ETV6: variants seen among roughly 807,000 people sequenced by gnomAD.
ETV6 encodes ETS variant transcription factor 6.
In ETV6, 16 loss-of-function variants were observed where a neutral mutation model predicts 51.1. That is an observed-to-expected ratio of 0.31 (90% CI 0.21 to 0.48). ETV6 has a LOEUF of 0.48. Among genes scored for constraint, ETV6 ranks in the 20% least tolerant of loss-of-function variants. The probability of loss-of-function intolerance (pLI) is 0.99; values close to 1 mark genes in which losing one functional copy is unlikely to be tolerated. For synonymous variants in ETV6, 240 were observed against 224.1 expected, an observed-to-expected ratio of 1.07 and a Z score of -0.64; for missense variants, 458 against 594.8, an observed-to-expected ratio of 0.77 and a Z score of 2.39.
At chr12:11,723,898 C>A (rs1865439817) in intron 1 of ETV6, among the ~76,000 whole-genome samples, 1 of 151,894 alleles carries the variant, frequency 6.6e-6, no homozygotes, top group Admixed American at 6.6e-5. Context: ...CATTGAGAGT[C>A]CCCAGGAAGA....
intron 1 of ETV6, 25 bp from the exon 2 acceptor site, chr12:11,752,425 C>A: frequency 6.3e-7 from 1 of 1,599,472 alleles, no homozygotes; most frequent in Non-Finnish European, 8.6e-7. Context: ...TCCCCCTCCC[C>A]TCTTCCTGCC....
intron 1 of ETV6, among the ~76,000 whole-genome samples, chr12:11,715,518 C>T (rs746688200): frequency 2.0e-5 from 3 of 152,094 alleles, no homozygotes; most frequent in Non-Finnish European, 4.4e-5. Flanking sequence ...GGTAACTCAC[C>T]CAAGGTTTTG....
chr12:11,777,010 G>A (rs547275738), intron 2 of ETV6, among the ~76,000 whole-genome samples: 6 of 152,246 alleles, frequency 3.9e-5, no homozygotes, highest in African/African-American at 7.2e-5. Context: ...AGGCCAAGGC[G>A]GGTGGATCAC....
chr12:11,853,910 C>G (rs1488966566), intron 4 of ETV6, among the ~76,000 whole-genome samples: 4 of 152,150 alleles, frequency 2.6e-5, no homozygotes, highest in African/African-American at 9.7e-5. Flanking sequence ...TTTTTGGCAC[C>G]AGGGACCAGT....
intron 3 of ETV6, among the ~76,000 whole-genome samples, chr12:11,844,132 T>C (rs551539125): frequency 8.5e-5 from 13 of 152,238 alleles, no homozygotes; most frequent in African/African-American, 3.1e-4. Flanking sequence ...ACAGACAGGT[T>C]GGCATTTATA....
intron 2 of ETV6, among the ~76,000 whole-genome samples, chr12:11,837,773 T>C (rs775551934): frequency 2.0e-5 from 3 of 152,230 alleles, no homozygotes; most frequent in Non-Finnish European, 2.9e-5. Flanking sequence ...CACCATGTGA[T>C]TTTAGAGAAT....
At chr12:11,727,948 T>C (rs1865521270) in intron 1 of ETV6, among the ~76,000 whole-genome samples, 1 of 152,016 alleles carries the variant, frequency 6.6e-6, no homozygotes, top group African/African-American at 2.4e-5. Flanking sequence ...GCCTCCCGAG[T>C]AGCTGGGATT....
intron 1 of ETV6, among the ~76,000 whole-genome samples, chr12:11,741,487 A>C (rs1865809656): frequency 6.6e-6 from 1 of 152,174 alleles, no homozygotes. Flanking sequence ...TGCTCCTGCC[A>C]CACACAAGTG....
In ETV6 at chr12:11,798,019, TAA is replaced by T. The variant is rs61591325; in HGVS notation, c.164-41120_164-41119del. ...TTTGTTTTTTATTACCATACAAGGATAAGATTTTGAGATTATCTTTCCAAGGA... is the reference window on the plus strand; with the variant it reads ...TTTGTTTTTTATTACCATACAAGGATGATTTTGAGATTATCTTTCCAAGGA... On this transcript the variant is annotated intron_variant, in intron 2 of 7. Transcript: ENST00000396373. Among the ~76,000 whole-genome samples the T allele has an allele frequency of 9.6e-3, 1,456 of 152,354 alleles. 25 individuals carry two copies. Among genetic ancestry groups the T allele is most frequent in the African/African-American group, 0.033 (1,376 of 41,592 alleles).
At chr12:11,720,087 C>T (rs1000692054) in intron 1 of ETV6, among the ~76,000 whole-genome samples, 5 of 152,086 alleles carry the variant, frequency 3.3e-5, no homozygotes, top group African/African-American at 9.7e-5. Context: ...TGGCAAAGGA[C>T]GAGAAGCTGT....
intron 2 of ETV6, among the ~76,000 whole-genome samples, chr12:11,796,559 G>C (rs576901557): frequency 2.6e-5 from 4 of 152,236 alleles, no homozygotes; most frequent in African/African-American, 9.6e-5. Flanking sequence ...GTGTTTAGGG[G>C]CATTAAAGAC....
At chr12:11,845,637 C>G (rs577725275) in intron 3 of ETV6, among the ~76,000 whole-genome samples, 1 of 152,238 alleles carries the variant, frequency 6.6e-6, no homozygotes, top group East Asian at 1.9e-4. Flanking sequence ...AGAAGGCACT[C>G]CAGATTAAAT....
At chr12:11,813,749 C>T (rs545558749) in intron 2 of ETV6, among the ~76,000 whole-genome samples, 53 of 152,316 alleles carry the variant, frequency 3.5e-4, no homozygotes, top group African/African-American at 1.3e-3. Flanking sequence ...TATGCACTTG[C>T]AGAGTTGCAT....
intron 2 of ETV6, among the ~76,000 whole-genome samples, chr12:11,833,141 A>G (rs1031754344): frequency 1.3e-4 from 20 of 152,258 alleles, no homozygotes; most frequent in Non-Finnish European, 2.4e-4. Flanking sequence ...GGGTGAGATT[A>G]TAAAGGTGAT....
intron 1 of ETV6, among the ~76,000 whole-genome samples, chr12:11,715,035 A>T (rs1039372442): frequency 2.6e-5 from 4 of 152,114 alleles, no homozygotes; most frequent in African/African-American, 9.7e-5. Context: ...CAGGGGCAAT[A>T]GGATGTAAAA....
At position 11,893,709 on chromosome 12, in the gene ETV6, C is replaced by G. The variant is rs780633980; in HGVS notation, c.*2663C>G. ...AATGATTTCAAATATCATAAAATTA[C>G]CTTCAGGCTATGTGTATAAAGTATA... On this transcript the variant is annotated 3_prime_UTR_variant, in exon 8 of 8. Coordinates refer to ENST00000396373, the MANE Select transcript of ETV6 (RefSeq NM_001987.5). 1.1e-4 allele frequency: 23 copies of G among 216,038 alleles called. No individual in the cohort carries two copies. Among genetic ancestry groups the G allele is most frequent in the African/African-American group, 4.1e-4 (18 of 43,944 alleles). The allele number at this position is 216,038 out of a possible 1,614,324, so 13.4% of individuals were successfully genotyped here.
chr12:11,660,129 C>T (rs372537198), intron 1 of ETV6, among the ~76,000 whole-genome samples: 97 of 152,314 alleles, frequency 6.4e-4, no homozygotes, highest in African/African-American at 2.2e-3. Context: ...CTGATCATTA[C>T]ACATCTGCAC....
At chr12:11,856,693 A>G (rs1005825639) in intron 4 of ETV6, among the ~76,000 whole-genome samples, 4 of 152,166 alleles carry the variant, frequency 2.6e-5, no homozygotes, top group Non-Finnish European at 5.9e-5. Context: ...CTTCTTCTCC[A>G]CTGAAAAGAA....
chr12:11,724,031 C>A (rs183462869), intron 1 of ETV6, among the ~76,000 whole-genome samples: 1 of 152,108 alleles, frequency 6.6e-6, no homozygotes, highest in Non-Finnish European at 1.5e-5. Context: ...CTCCCTCCCC[C>A]ACCCCTGACC....
Sources: gnomAD v4.1 joint callset for allele counts (sites outside exome capture counted in the v4.1 genomes callset) on GRCh38, gnomAD v4.1.1 for gene constraint, MANE v1.5 for transcripts, NCBI Gene and HGNC (gene_info 2026-07-23, HGNC 2026-07-21) for gene names.